The following SEC24B variants were observed in gnomAD, a reference collection of about 807,000 sequenced individuals.
SEC24B encodes SEC24 homolog B, COPII component.
Under a neutral mutation model 142.8 loss-of-function variants are expected in SEC24B, and 45 were observed. That is an observed-to-expected ratio of 0.32 (90% CI 0.25 to 0.40). The LOEUF is 0.40. Among genes scored for constraint, SEC24B ranks in the 10% least tolerant of loss-of-function variants. SEC24B has a pLI of 1.00. For synonymous variants in SEC24B, 574 were observed against 568.2 expected (o/e 1.01, Z -0.15); for missense variants, 1,409 against 1,526.8 (o/e 0.92, Z 1.29).
chr4:109,459,391 A>G (rs990034204), intron 1 of SEC24B, among the ~76,000 whole-genome samples: 3 of 152,244 alleles, frequency 2.0e-5, no homozygotes, highest in East Asian at 1.9e-4. Context: ...TGTAAAATAC[A>G]TAATGATTTT....
At position 109,450,136 on chromosome 4, in the gene SEC24B, C is replaced by T. The variant is rs1481326746; in HGVS notation, c.134-12765C>T. On this transcript the variant is annotated intron_variant, in intron 1 of 23. Transcript: ENST00000265175. ...GCTGAGATGGGAGGTTCACTTGAGC[C>T]CAGGGCTTCAAGGTTACAGTGAACT... 2.0e-5 allele frequency among the ~76,000 whole-genome samples: 3 copies of T among 152,048 alleles called. No individual in the cohort carries two copies. In the East Asian group the frequency reaches 5.8e-4, roughly 29 times the overall value.
chr4:109,495,389 G>A lies in SEC24B; in HGVS notation c.1488+533G>A, dbSNP rs537942558. On this transcript the variant is annotated intron_variant, in intron 6 of 23. Coordinates refer to ENST00000265175, the MANE Select transcript of SEC24B (RefSeq NM_006323.5). ...GGCTACATTGTCTGGGGTCTAAACC[G>A]GTGGTTCGTCATCTTGCAGCCAGGA... is the stretch of plus-strand genomic sequence containing the variant. Among the ~76,000 whole-genome samples the A allele has an allele frequency of 3.2e-4, 48 of 152,234 alleles. No individual in the cohort carries two copies. The East Asian group carries it at 6.9e-3, about 22-fold the overall frequency.
intron 4 of SEC24B, among the ~76,000 whole-genome samples, chr4:109,483,943 G>C (rs1052120112): frequency 1.3e-5 from 2 of 152,120 alleles, no homozygotes; most frequent in African/African-American, 4.8e-5. Context: ...AAGTAAATTG[G>C]AGACATCATG....
chr4:109,475,686 A>G (rs1462052295), intron 3 of SEC24B, among the ~76,000 whole-genome samples: 2 of 152,098 alleles, frequency 1.3e-5, no homozygotes, highest in South Asian at 4.1e-4. Flanking sequence ...TATTCTTTCA[A>G]ATGTACCCTT....
chr4:109,469,187 GAAACT>G (rs1732268004), intron 2 of SEC24B, among the ~76,000 whole-genome samples: 1 of 152,210 alleles, frequency 6.6e-6, no homozygotes, highest in Admixed American at 6.5e-5. Flanking sequence ...TCACACCTCA[GAAACT>G]AAACAGTGCA....
intron 1 of SEC24B, among the ~76,000 whole-genome samples, chr4:109,448,809 C>T (rs1180155741): frequency 1.3e-5 from 2 of 152,272 alleles, no homozygotes; most frequent in East Asian, 3.9e-4. Context: ...GCAAATTTTA[C>T]TGATGTTTCA....
At chr4:109,443,559 A>G (rs897247896) in intron 1 of SEC24B, among the ~76,000 whole-genome samples, 3 of 152,116 alleles carry the variant, frequency 2.0e-5, no homozygotes, top group Admixed American at 6.5e-5. Flanking sequence ...TTAATTTACA[A>G]TTCCTAGCAA....
intron 1 of SEC24B, among the ~76,000 whole-genome samples, chr4:109,440,284 T>C (rs889686652): frequency 6.6e-6 from 1 of 152,200 alleles, no homozygotes; most frequent in Non-Finnish European, 1.5e-5. Flanking sequence ...GTAGCAGTAA[T>C]TAATTTTGTA....
At position 109,463,099 on chromosome 4, in the gene SEC24B, C is replaced by T; in HGVS notation, c.332C>T (p.Pro111Leu). 2 of 1,614,180 alleles carry T rather than the reference C, an allele frequency of 1.2e-6. No individual in the cohort carries two copies. Among genetic ancestry groups the T allele is most frequent in the Non-Finnish European group, 1.7e-6 (2 of 1,180,030 alleles). The change falls in exon 2 of 24, where the codon CCA (proline) becomes CTA (leucine). Residue 111 changes from proline (P) to leucine (L), a missense_variant. Pro to Leu is a moderately conservative substitution (Grantham distance 98, BLOSUM62 -3). This residue lies in a region of SEC24B where 709 missense variants were observed against 673.5 expected (regional missense o/e 1.05). Coordinates refer to ENST00000265175, the MANE Select transcript of SEC24B (RefSeq NM_006323.5). ...ACTCCTAACACAGTGAACCAGCAACCAGGAGCACAGCAGTTGTACAGCAGG... is the reference window on the plus strand; with the variant it reads ...ACTCCTAACACAGTGAACCAGCAACTAGGAGCACAGCAGTTGTACAGCAGG... ...NVTPNTVNQQ[P>L]GAQQLYSRGP... is the part of the protein sequence containing the mutation.
chr4:109,457,641 T>C (rs1295954479), intron 1 of SEC24B, among the ~76,000 whole-genome samples: 1 of 152,218 alleles, frequency 6.6e-6, no homozygotes, highest in East Asian at 1.9e-4. Context: ...GGAGCAAACA[T>C]TTAAACCATA....
chr4:109,465,211 C>T (rs868308425), intron 2 of SEC24B, among the ~76,000 whole-genome samples: 25 of 152,310 alleles, frequency 1.6e-4, no homozygotes, highest in Middle Eastern at 3.4e-3. Context: ...GGAGTTAGCA[C>T]TGACTTGGGT....
intron 21 of SEC24B, among the ~76,000 whole-genome samples, chr4:109,533,009 A>G (rs1232092224): frequency 6.6e-6 from 1 of 152,226 alleles, no homozygotes; most frequent in Non-Finnish European, 1.5e-5. Flanking sequence ...CATGAATTAT[A>G]TATACTTGAT....
intron 1 of SEC24B, among the ~76,000 whole-genome samples, chr4:109,437,202 G>A (rs1728488674): frequency 6.6e-6 from 1 of 152,124 alleles, no homozygotes; most frequent in African/African-American, 2.4e-5. Context: ...TGTCTGTTGG[G>A]GAAAAATAAA....
chr4:109,494,436 T>A (rs1735324096), intron 5 of SEC24B, among the ~76,000 whole-genome samples, 179 bp from the exon 6 acceptor site: 1 of 152,144 alleles, frequency 6.6e-6, no homozygotes, highest in Non-Finnish European at 1.5e-5. Flanking sequence ...TTATTGAAGC[T>A]TAGTGATAAG....
intron 7 of SEC24B, among the ~76,000 whole-genome samples, chr4:109,507,741 G>A (rs907683275): frequency 8.5e-5 from 13 of 152,210 alleles, no homozygotes; most frequent in South Asian, 2.1e-4. Context: ...CGCCTCCCAG[G>A]TTCAAGTGAT....
chr4:109,473,769 T>C, intron 3 of SEC24B, among the ~76,000 whole-genome samples: 1 of 152,224 alleles, frequency 6.6e-6, no homozygotes, highest in Admixed American at 6.5e-5. Flanking sequence ...CATTGTTTCT[T>C]TTGGCAGTTT....
chr4:109,459,592 T>C (rs1299520519), intron 1 of SEC24B, among the ~76,000 whole-genome samples: 1 of 152,162 alleles, frequency 6.6e-6, no homozygotes, highest in Non-Finnish European at 1.5e-5. Flanking sequence ...ATATTAGATA[T>C]TCCCACCCCC....
At chr4:109,498,510 G>T (rs67066117) in intron 6 of SEC24B, among the ~76,000 whole-genome samples, 1 of 151,952 alleles carries the variant, frequency 6.6e-6, no homozygotes, top group South Asian at 2.1e-4. Context: ...CACTACAGGC[G>T]TGTGCCACCA....
intron 3 of SEC24B, among the ~76,000 whole-genome samples, chr4:109,479,715 A>C (rs1374332336): frequency 2.0e-5 from 3 of 152,160 alleles, no homozygotes; most frequent in Non-Finnish European, 4.4e-5. Context: ...GATTATAGAC[A>C]TGAGCAATTG....
Sources: gnomAD v4.1 joint callset for allele counts (sites outside exome capture counted in the v4.1 genomes callset) on GRCh38, gnomAD v4.1.1 for gene constraint, gnomAD v4.1.1 regional missense constraint, MANE v1.5 for transcripts, NCBI Gene and HGNC (gene_info 2026-07-23, HGNC 2026-07-21) for gene names.